Variants in ESRRG observed in about 807,000 individuals in gnomAD.
ESRRG encodes estrogen-related receptor gamma.
A neutral mutation model predicts 44.0 loss-of-function variants in ESRRG; 13 were observed. The observed-to-expected ratio is 0.30, with a 90% CI of 0.19 to 0.47. ESRRG has a LOEUF of 0.47. ESRRG is among the 20% of genes least tolerant of loss of function. The pLI is 1.00. For synonymous variants in ESRRG, 215 were observed against 214.6 expected (o/e 1.00, Z -0.02); for missense variants, 395 against 580.6 (o/e 0.68, Z 3.29).
At chr1:216,790,133 C>T (rs2094269852) in intron 2 of ESRRG, among the ~76,000 whole-genome samples, 1 of 152,154 alleles carries the variant, frequency 6.6e-6, no homozygotes, top group African/African-American at 2.4e-5. Context: ...GGCTGGATCT[C>T]CTAAATAACT....
At chr1:216,908,873 C>T (rs561666366) in intron 2 of ESRRG, among the ~76,000 whole-genome samples, 5 of 150,226 alleles carry the variant, frequency 3.3e-5, no homozygotes, top group Non-Finnish European at 7.4e-5. Context: ...CCACAGATTT[C>T]GCTCTTAAAT....
rs189912178 is a variant in ESRRG, at chr1:217,063,175, C to T, written c.-106+26332G>A. On this transcript the variant is annotated intron_variant, in intron 1 of 7. Coordinates refer to the ESRRG transcript ENST00000359162. The stretch of plus-strand genomic sequence containing the variant: ...AGACAGGGAAAAGAGGGCTGATATG[C>T]TTTACATAGTTATTTTTATATTTAA... Among the ~76,000 whole-genome samples, 3 of 152,188 alleles carry T rather than the reference C, an allele frequency of 2.0e-5. No homozygotes were observed. In the East Asian group the frequency reaches 5.8e-4, roughly 29 times the overall value.
intron 2 of ESRRG, among the ~76,000 whole-genome samples, chr1:216,815,676 G>C (rs2095112880): frequency 6.6e-6 from 1 of 152,174 alleles, no homozygotes; most frequent in Admixed American, 6.5e-5. Flanking sequence ...CGAGACATTT[G>C]TGTTCGGTTC....
At chr1:216,600,710 T>C (rs2059098082) in intron 3 of ESRRG, among the ~76,000 whole-genome samples, 1 of 152,190 alleles carries the variant, frequency 6.6e-6, no homozygotes, top group Admixed American at 6.5e-5. Flanking sequence ...GGTATACAGA[T>C]GACTGCATTT....
chr1:217,073,227 A>AAAAAAC (rs2090826285), intron 1 of ESRRG, among the ~76,000 whole-genome samples: 1 of 146,690 alleles, frequency 6.8e-6, no homozygotes, highest in Non-Finnish European at 1.5e-5. Context: ...AAAAAAAAAA[A>AAAAAAC]AATCCTCATG....
intron 3 of ESRRG, among the ~76,000 whole-genome samples, chr1:216,626,477 G>T (rs1230037193): frequency 6.6e-6 from 1 of 152,160 alleles, no homozygotes; most frequent in African/African-American, 2.4e-5. Context: ...ACTGGATACT[G>T]TGGCTCCACT....
chr1:216,601,973 A>G (rs1217813451), intron 3 of ESRRG, among the ~76,000 whole-genome samples: 2 of 152,216 alleles, frequency 1.3e-5, no homozygotes, highest in Non-Finnish European at 2.9e-5. Flanking sequence ...ATTAACAACA[A>G]CAAAGTGAAG....
chr1:216,906,633 A>G (rs2059715136), intron 2 of ESRRG, among the ~76,000 whole-genome samples: 2 of 152,232 alleles, frequency 1.3e-5, no homozygotes, highest in African/African-American at 2.4e-5. Context: ...TACACTTATC[A>G]TAATGAAAAG....
In ESRRG at chr1:216,519,668, G is replaced by T. The variant is rs137955930; in HGVS notation, c.863-247C>A. On this transcript the variant is annotated intron_variant, in intron 5 of 6. Coordinates refer to ENST00000408911, the MANE Select transcript of ESRRG (RefSeq NM_001438.4). ...CAGCTTAGGGGAATATAATAGAGAT[G>T]TCGCTTTCTTTCATTCGAGAAGAAA... Among the ~76,000 whole-genome samples the T allele has an allele frequency of 6.6e-4, 101 of 152,164 alleles. 1 individual carries two copies. Among genetic ancestry groups the T allele is most frequent in the African/African-American group, 2.4e-3 (98 of 41,544 alleles).
chr1:216,967,555 C>T (rs2070712585), intron 1 of ESRRG, among the ~76,000 whole-genome samples: 1 of 152,130 alleles, frequency 6.6e-6, no homozygotes, highest in Non-Finnish European at 1.5e-5. Context: ...TATGTATTTT[C>T]ATCACTTGAT....
intron 2 of ESRRG, among the ~76,000 whole-genome samples, chr1:216,859,410 AAT>A (rs1458022295): frequency 1.3e-5 from 2 of 152,220 alleles, no homozygotes; most frequent in African/African-American, 2.4e-5. Flanking sequence ...GCAAGTGTAG[AAT>A]AGAGTACTAG....
chr1:216,918,444 A>C lies in ESRRG; in HGVS notation c.-14+21138T>G, dbSNP rs12092524. Among the ~76,000 whole-genome samples the C allele has an allele frequency of 7.2e-3, 1,101 of 152,232 alleles. 17 individuals carry two copies. The highest frequency in any genetic ancestry group is 0.025 in the African/African-American group (1,049 of 41,532). Reference sequence around the variant, plus strand: ...GCCTGCTATGTGTTACCTATTTTTAAGGCTGAAACAAATTGCAAATTTTTC... The same window carrying C: ...GCCTGCTATGTGTTACCTATTTTTACGGCTGAAACAAATTGCAAATTTTTC... On this transcript the variant is annotated intron_variant, in intron 2 of 7. Transcript: ENST00000359162.
chr1:217,046,875 T>C (rs558042137), intron 1 of ESRRG, among the ~76,000 whole-genome samples: 22 of 148,872 alleles, frequency 1.5e-4, no homozygotes, highest in Admixed American at 2.0e-4. Context: ...AGTGGTGAGA[T>C]CCTGTCTCAT....
chr1:216,590,380 T>C (rs1409653567), intron 3 of ESRRG, among the ~76,000 whole-genome samples: 3 of 152,178 alleles, frequency 2.0e-5, no homozygotes, highest in African/African-American at 4.8e-5. Flanking sequence ...TCTAGAGTGC[T>C]TTACACTGAA....
At chr1:216,592,049 G>C (rs948774817) in intron 3 of ESRRG, among the ~76,000 whole-genome samples, 2 of 152,160 alleles carry the variant, frequency 1.3e-5, no homozygotes, top group African/African-American at 2.4e-5. Context: ...AATGCGATGA[G>C]ATCACTGCAT....
At chr1:216,793,088 G>T (rs2094369909) in intron 2 of ESRRG, among the ~76,000 whole-genome samples, 1 of 152,124 alleles carries the variant, frequency 6.6e-6, no homozygotes, top group Non-Finnish European at 1.5e-5. Context: ...TATCCTCTAT[G>T]TCCACCACTC....
chr1:216,850,325 A>G (rs1026737364), intron 2 of ESRRG, among the ~76,000 whole-genome samples: 1 of 152,100 alleles, frequency 6.6e-6, no homozygotes, highest in Non-Finnish European at 1.5e-5. Flanking sequence ...AATGCCACCT[A>G]TTATGTTTCC....
intron 2 of ESRRG, among the ~76,000 whole-genome samples, chr1:216,790,902 C>T (rs932293781): frequency 6.6e-6 from 1 of 152,054 alleles, no homozygotes; most frequent in Non-Finnish European, 1.5e-5. Flanking sequence ...CCAAGACAAT[C>T]AGAGAGATGC....
intron 2 of ESRRG, among the ~76,000 whole-genome samples, chr1:216,834,470 A>G (rs1017771314): frequency 2.6e-5 from 4 of 152,214 alleles, no homozygotes; most frequent in African/African-American, 9.6e-5. Flanking sequence ...AAGGACAAAT[A>G]AAGAAAAGTC....
Sources: gnomAD v4.1 joint callset for allele counts (sites outside exome capture counted in the v4.1 genomes callset) on GRCh38, gnomAD v4.1.1 for gene constraint, MANE v1.5 for transcripts, NCBI Gene and HGNC (gene_info 2026-07-23, HGNC 2026-07-21) for gene names.